Variants in SLC44A5 observed in about 807,000 individuals in gnomAD.
The protein encoded by SLC44A5 is choline transporter-like protein 5.
SLC44A5 carries 57 observed loss-of-function variants against 101.8 expected under a neutral mutation model. The observed-to-expected ratio is 0.56, with a 90% confidence interval of 0.45 to 0.70. The LOEUF (loss-of-function observed/expected upper bound fraction) is 0.70, where lower values mean the gene tolerates loss of function less well. SLC44A5 is among the 30% of genes least tolerant of loss of function. The probability of loss-of-function intolerance (pLI) is 0.00; values close to 1 mark genes in which losing one functional copy is unlikely to be tolerated. For synonymous variants in SLC44A5, 281 were observed against 290.9 expected, an observed-to-expected ratio of 0.97 and a Z score of 0.35; for missense variants, 737 against 853.1, an observed-to-expected ratio of 0.86 and a Z score of 1.70.
chr1:75,519,738 A>T (rs1264768917), intron 2 of SLC44A5, among the ~76,000 whole-genome samples: 1 of 152,208 alleles, frequency 6.6e-6, no homozygotes, highest in Admixed American at 6.5e-5. Flanking sequence ...CTCCTAAAGA[A>T]TATATCTTAT....
chr1:75,410,506 C>G (rs561346945), intron 2 of SLC44A5, among the ~76,000 whole-genome samples: 1 of 152,068 alleles, frequency 6.6e-6, no homozygotes, highest in Non-Finnish European at 1.5e-5. Flanking sequence ...TAAATAAACC[C>G]ATGTTTCTAG....
At chr1:75,299,075 A>G (rs914030248) in intron 5 of SLC44A5, among the ~76,000 whole-genome samples, 6 of 152,226 alleles carry the variant, frequency 3.9e-5, no homozygotes, top group African/African-American at 1.4e-4. Flanking sequence ...AAAATTACAC[A>G]GATAAGAAAG....
intron 2 of SLC44A5, among the ~76,000 whole-genome samples, chr1:75,427,178 A>G (rs1281368947): frequency 2.6e-5 from 4 of 152,208 alleles, no homozygotes; most frequent in African/African-American, 4.8e-5. Context: ...TCTACACCAC[A>G]GCGAGATTCT....
At chr1:75,324,980 C>T (rs566110864) in intron 4 of SLC44A5, among the ~76,000 whole-genome samples, 63 of 152,248 alleles carry the variant, frequency 4.1e-4, no homozygotes, top group Non-Finnish European at 4.7e-4. Context: ...TTATTATATA[C>T]CAGGTCTTGT....
chr1:75,278,335 T>C (rs1354219657), intron 5 of SLC44A5, among the ~76,000 whole-genome samples: 1 of 152,148 alleles, frequency 6.6e-6, no homozygotes, highest in Non-Finnish European at 1.5e-5. Context: ...ATTCACTTTA[T>C]ATTTCTCCTG....
chr1:75,550,116 G>A (rs1045138047), intron 1 of SLC44A5, among the ~76,000 whole-genome samples: 7 of 152,028 alleles, frequency 4.6e-5, no homozygotes, highest in Admixed American at 6.6e-5. Context: ...GTATACAAAT[G>A]TTCATAGCAA....
chr1:75,332,525 C>T (rs772165324), intron 4 of SLC44A5, among the ~76,000 whole-genome samples: 1 of 151,970 alleles, frequency 6.6e-6, no homozygotes, highest in African/African-American at 2.4e-5. Flanking sequence ...TGGTAGGTGT[C>T]ACAATACTGA....
the SLC44A5 span, among the ~76,000 whole-genome samples, chr1:75,703,037 T>C: frequency 6.6e-6 from 1 of 150,562 alleles, no homozygotes; most frequent in African/African-American, 2.5e-5. Flanking sequence ...TGTGGAGAAA[T>C]AGGAACACTT....
rs200793355 is a variant in SLC44A5, at chr1:75,308,811, CT to C, written c.102-8127del. Among the ~76,000 whole-genome samples the C allele has an allele frequency of 9.4e-3, 1,435 of 152,284 alleles. 24 individuals are homozygous for C. The highest frequency in any genetic ancestry group is 0.047 in the South Asian group (227 of 4,826). ...AATGTTTGTTAAAACAATGAATGAA[CT>C]TCCGGAAATTCTCATTCAGCTATTA... is the stretch of plus-strand genomic sequence containing the variant. On this transcript the variant is annotated intron_variant, in intron 4 of 23. Coordinates refer to ENST00000370859, the MANE Select transcript of SLC44A5 (RefSeq NM_001130058.2).
chr1:75,597,658 T>C (rs977517728), intron 1 of SLC44A5, among the ~76,000 whole-genome samples: 4 of 152,118 alleles, frequency 2.6e-5, no homozygotes, highest in African/African-American at 9.7e-5. Context: ...CCTACAACTG[T>C]CTGATCTTCA....
At chr1:75,252,538 A>G (rs1428458549) in intron 6 of SLC44A5, among the ~76,000 whole-genome samples, 1 of 152,208 alleles carries the variant, frequency 6.6e-6, no homozygotes, top group Non-Finnish European at 1.5e-5. Context: ...AACTCTCCCT[A>G]CAATCCTCAC....
chr1:75,306,971 C>T (rs1654960585), intron 4 of SLC44A5, among the ~76,000 whole-genome samples: 2 of 151,674 alleles, frequency 1.3e-5, no homozygotes, highest in Middle Eastern at 3.4e-3. Flanking sequence ...ATCTCCTGAC[C>T]TCGTGATCCA....
At chr1:75,497,112 G>A (rs549158913) in intron 2 of SLC44A5, among the ~76,000 whole-genome samples, 3 of 152,014 alleles carry the variant, frequency 2.0e-5, no homozygotes, top group South Asian at 2.1e-4. Flanking sequence ...CTATATATAC[G>A]ATCCAGCAAT....
At chr1:75,669,462 A>G in the SLC44A5 span, among the ~76,000 whole-genome samples, 1 of 152,210 alleles carries the variant, frequency 6.6e-6, no homozygotes, top group Non-Finnish European at 1.5e-5. Context: ...TAGCCAGTGT[A>G]TAGTCTCACC....
At chr1:75,237,129 T>C in intron 10 of SLC44A5, 59 bp from the exon 11 acceptor site, 1 of 1,033,834 alleles carries the variant, frequency 9.7e-7, no homozygotes, top group Non-Finnish European at 1.5e-6. Context: ...ACAGAAATGT[T>C]CTTTTTATGA....
In SLC44A5 at chr1:75,545,642, A is replaced by G. The variant is rs995919523; in HGVS notation, c.-69-4126T>C. ...AGGCTTCTCCACTTTTCATTCTGTA[A>G]TTAATAAGTAACCTCCAGGGAGATA... is the stretch of plus-strand genomic sequence containing the variant. On this transcript the variant is annotated intron_variant, in intron 1 of 23. Transcript: ENST00000370859. 9.9e-5 allele frequency among the ~76,000 whole-genome samples: 15 copies of G among 152,234 alleles called. No individual in the cohort carries two copies. The South Asian group carries it at 2.9e-3, about 29-fold the overall frequency.
chr1:75,260,809 A>G (rs566446926), intron 6 of SLC44A5, among the ~76,000 whole-genome samples: 50 of 152,294 alleles, frequency 3.3e-4, no homozygotes, highest in Non-Finnish European at 6.3e-4. Context: ...AAGAACAGAA[A>G]TCATAACAAA....
intron 1 of SLC44A5, among the ~76,000 whole-genome samples, chr1:75,571,312 A>G (rs1051087245): frequency 1.3e-5 from 2 of 152,232 alleles, no homozygotes; most frequent in African/African-American, 4.8e-5. Flanking sequence ...ACAAAGAAAC[A>G]GAAAATATAG....
the SLC44A5 span, among the ~76,000 whole-genome samples, chr1:75,690,574 A>C: frequency 6.6e-6 from 1 of 152,208 alleles, no homozygotes; most frequent in African/African-American, 2.4e-5. Context: ...ATAGCTGTAT[A>C]TGCTAGGGGT....
Sources: allele counts gnomAD v4.1 joint callset (sites outside exome capture counted in the v4.1 genomes callset), GRCh38; gene constraint gnomAD v4.1.1; transcripts MANE v1.5; gene names NCBI Gene and HGNC (gene_info 2026-07-23, HGNC 2026-07-21).